The following ZNF592 variants were observed in gnomAD, a reference collection of about 807,000 sequenced individuals.
ZNF592 encodes zinc finger protein 592, also known as spinocerebellar ataxia, autosomal recessive 5.
Under a neutral mutation model 80.3 loss-of-function variants are expected in ZNF592, and 11 were observed. That is an observed-to-expected ratio of 0.14 (90% CI 0.09 to 0.23). ZNF592 has a LOEUF of 0.23. Ranked by LOEUF, ZNF592 falls within the 10% of genes least tolerant of loss-of-function variation. The probability of loss-of-function intolerance (pLI) is 1.00; values close to 1 mark genes in which losing one functional copy is unlikely to be tolerated. For synonymous variants in ZNF592, 646 were observed against 640.3 expected, an observed-to-expected ratio of 1.01 and a Z score of -0.13; for missense variants, 1,420 against 1,633.9, an observed-to-expected ratio of 0.87 and a Z score of 2.26.
In ZNF592 at chr15:84,773,401, C is replaced by T. The variant is rs1336261384; in HGVS notation, c.-149-4782C>T. ...TAATTTTTTGTATTTTTAGTAGAGA[C>T]GGGGTTTCACCATTTTAGCCAGGAT... On this transcript the variant is annotated intron_variant, in intron 2 of 10. Coordinates refer to ENST00000560079, the MANE Select transcript of ZNF592 (RefSeq NM_014630.3). Among the ~76,000 whole-genome samples, 10 of 152,124 alleles carry T rather than the reference C, an allele frequency of 6.6e-5. No homozygotes were observed. The Middle Eastern group carries it at 0.017, about 259-fold the overall frequency.
rs1276321152 is a variant in ZNF592 at position 84,754,278 on chromosome 15, G to C, written c.-259+5614G>C. ...TTAAATCCAGAGGTAATAATGGGCA[G>C]CTGGGCACGGTGGCTCGTGCTTGTA... On this transcript the variant is annotated intron_variant, in intron 1 of 10. Transcript: ENST00000560079. Among the ~76,000 whole-genome samples the C allele has an allele frequency of 2.0e-5, 3 of 152,324 alleles. No homozygotes were observed. The East Asian group carries it at 5.8e-4, about 29-fold the overall frequency.
chr15:84,774,807 A>G (rs1251399657), intron 2 of ZNF592, among the ~76,000 whole-genome samples: 2 of 152,056 alleles, frequency 1.3e-5, no homozygotes, highest in Non-Finnish European at 2.9e-5. Flanking sequence ...TTTGAGACAG[A>G]GTCCACTCTG....
At chr15:84,764,096 G>GC (rs1216199241) in intron 1 of ZNF592, among the ~76,000 whole-genome samples, 3 of 152,116 alleles carry the variant, frequency 2.0e-5, no homozygotes, top group Non-Finnish European at 2.9e-5. Context: ...CAGCTCACCT[G>GC]CCCCCCTGGC....
rs371999389 is a variant in ZNF592 at position 84,784,195 on chromosome 15, A to C, written c.1520A>C (p.Asn507Thr). 6.4e-5 allele frequency: 103 copies of C among 1,614,078 alleles called. No homozygotes were observed. The highest frequency in any genetic ancestry group is 8.4e-5 in the Non-Finnish European group (99 of 1,180,048). ...NLLPKAVHLA[N>T]LNLVPHSVAA... is the part of the protein sequence containing the mutation. ...CTGCCCAAAGCCGTGCACTTGGCCAACCTGAACCTCGTCCCCCACAGTGTT... is the reference window on the plus strand; with the variant it reads ...CTGCCCAAAGCCGTGCACTTGGCCACCCTGAACCTCGTCCCCCACAGTGTT... The change falls in exon 4 of 11, where the codon AAC (asparagine) becomes ACC (threonine). Residue 507 changes from asparagine to threonine, a missense_variant. By Grantham distance (65) the Asn-to-Thr change is moderately conservative (BLOSUM62 0). Coordinates refer to ENST00000560079, the MANE Select transcript of ZNF592 (RefSeq NM_014630.3). The surrounding 1 kb of genome is among the most constrained non-coding windows in gnomAD (Gnocchi z 5.8).
At chr15:84,771,141 A>T (rs1282951085) in intron 2 of ZNF592, among the ~76,000 whole-genome samples, 1 of 152,032 alleles carries the variant, frequency 6.6e-6, no homozygotes, top group African/African-American at 2.4e-5. Context: ...AATAGAGGGG[A>T]AAGACATGAC....
At chr15:84,749,426 C>T (rs925924689) in intron 1 of ZNF592, among the ~76,000 whole-genome samples, 3 of 152,130 alleles carry the variant, frequency 2.0e-5, no homozygotes, top group African/African-American at 7.2e-5. Context: ...TATGCCTGCT[C>T]CTGAGTACTG....
chr15:84,788,318 T>A (rs1214617822), intron 4 of ZNF592, among the ~76,000 whole-genome samples: 1 of 152,258 alleles, frequency 6.6e-6, no homozygotes, highest in Non-Finnish European at 1.5e-5. Context: ...TGCTTGAGTC[T>A]AATTTTATTG....
intron 1 of ZNF592, among the ~76,000 whole-genome samples, chr15:84,762,917 C>G (rs891964728): frequency 2.6e-5 from 4 of 152,156 alleles, no homozygotes; most frequent in Non-Finnish European, 4.4e-5. Flanking sequence ...TTGGAAGAAG[C>G]TCTAATCTAG....
chr15:84,749,946 A>G (rs761993081), intron 1 of ZNF592, among the ~76,000 whole-genome samples: 11 of 152,262 alleles, frequency 7.2e-5, no homozygotes, highest in Admixed American at 5.2e-4. Context: ...AGGTGTTGGG[A>G]GTACATTGGT....
intron 1 of ZNF592, among the ~76,000 whole-genome samples, chr15:84,759,952 AT>A (rs1343820539): frequency 1.5e-4 from 9 of 59,712 alleles, no homozygotes; most frequent in African/African-American, 2.6e-4. Context: ...GATTGGGGAG[AT>A]TCCCCCCCCC....
chr15:84,779,879 C>G (rs1252628544), intron 3 of ZNF592, among the ~76,000 whole-genome samples: 1 of 152,068 alleles, frequency 6.6e-6, no homozygotes, highest in Non-Finnish European at 1.5e-5. Context: ...TCCTTAGACA[C>G]ACAATCAACT....
rs769542155 is a variant in ZNF592 at position 84,782,798 on chromosome 15, C to T, written c.123C>T (p.Leu41=). ...CCAGTGAGGAGAATGAGAGTCCCCT[C>T]AAACCTCCAGGCATATGTATGGATG... is the stretch of plus-strand genomic sequence containing the variant. ...QTPSEENESP[L]KPPGICMDES... Residue 41 remains leucine, a synonymous_variant, in exon 4 of 11, where the codon CTC becomes CTT. Coordinates refer to ENST00000560079, the MANE Select transcript of ZNF592 (RefSeq NM_014630.3). The T allele has an allele frequency of 1.2e-6, 2 of 1,614,160 alleles. No homozygotes were observed. Among genetic ancestry groups the T allele is most frequent in the Non-Finnish European group, 1.7e-6 (2 of 1,180,032 alleles).
rs1257320367 is a variant in ZNF592, at chr15:84,782,871, G to A, written c.196G>A (p.Val66Met). 2.8e-5 allele frequency: 46 copies of A among 1,614,042 alleles called. No individual in the cohort carries two copies. Among genetic ancestry groups the A allele is most frequent in the Non-Finnish European group, 3.8e-5 (45 of 1,180,050 alleles). The change falls in exon 4 of 11, where the codon GTG (valine) becomes ATG (methionine). Residue 66 changes from valine to methionine, a missense_variant. Physicochemically the swap from Val to Met is conservative, Grantham distance 21. Around this residue, in one of 7 missense-constraint regions of ZNF592, gnomAD observed 373 missense variants for 355.5 expected, o/e 1.05. Coordinates refer to ENST00000560079, the MANE Select transcript of ZNF592 (RefSeq NM_014630.3). ...AGGATCAGCCCCCGATGTGCCGGCC[G>A]TGAGTGTCATTGTCAAGAACACCAG... The part of the protein sequence containing the change: ...HSGSAPDVPA[V>M]SVIVKNTSRQ...
chr15:84,789,018 C>T (rs1204522493), intron 4 of ZNF592, among the ~76,000 whole-genome samples: 4 of 151,386 alleles, frequency 2.6e-5, no homozygotes, highest in Non-Finnish European at 1.5e-5. Context: ...CGAGACCAGC[C>T]TGGCCATCAT....
intron 3 of ZNF592, among the ~76,000 whole-genome samples, chr15:84,781,331 AGCCACTGCGACGG>A (rs754007754): frequency 8.6e-5 from 13 of 151,624 alleles, no homozygotes; most frequent in Non-Finnish European, 1.6e-4. Flanking sequence ...TATAGGCAAG[AGCCACTGCGACGG>A]GCCCTTAATG....
intron 2 of ZNF592, among the ~76,000 whole-genome samples, chr15:84,768,657 A>G (rs1439466470): frequency 6.6e-6 from 1 of 151,974 alleles, no homozygotes; most frequent in Non-Finnish European, 1.5e-5. Context: ...AAAACAAATG[A>G]CCTTATGGGA....
At position 84,790,870 on chromosome 15, in the gene ZNF592, A is replaced by G. The variant is rs1400940313; in HGVS notation, c.2386A>G (p.Lys796Glu). The change falls in exon 5 of 11, where the codon AAG becomes GAG. Residue 796 changes from lysine (K) to glutamate (E), a missense_variant. Transcript: ENST00000560079. The stretch of plus-strand genomic sequence containing the variant: ...GGAGAATTGCCTGCACTATGCCCGC[A>G]AGGTGGGCTACAGGTGGGTGCTGCC... ...VKENCLHYARKVGYRCIHCGV... is the reference protein window; with the variant it reads ...VKENCLHYAREVGYRCIHCGV... 6.2e-7 allele frequency: 1 copy of G among 1,614,190 alleles called. No homozygotes were observed. The highest frequency in any genetic ancestry group is 1.1e-5 in the South Asian group (1 of 91,088).
In ZNF592 at chr15:84,783,486, A is replaced by G; in HGVS notation, c.811A>G (p.Arg271Gly). Reference sequence around the variant, plus strand: ...TGGTACCTGCTCATCAGTCCCCCCTAGGCAGCGTCTAAAGCCAGCTCATTC... The same window carrying G: ...TGGTACCTGCTCATCAGTCCCCCCTGGGCAGCGTCTAAAGCCAGCTCATTC... Reference protein sequence around the residue: ...ELGTCSSVPPRQRLKPAHSKL... With the variant: ...ELGTCSSVPPGQRLKPAHSKL... Residue 271 changes from arginine to glycine, a missense_variant, in exon 4 of 11, where the codon AGG (arginine) becomes GGG (glycine). Physicochemically the swap from Arg to Gly is moderately radical, Grantham distance 125. This residue lies in a region of ZNF592 where 373 missense variants were observed against 355.5 expected (regional missense o/e 1.05). Coordinates refer to ENST00000560079, the MANE Select transcript of ZNF592 (RefSeq NM_014630.3). This position sits in a 1 kb window ranked among gnomAD's most constrained non-coding sequence, Gnocchi z 5.0. The G allele has an allele frequency of 1.2e-6, 2 of 1,614,192 alleles. No individual in the cohort carries two copies. The highest frequency in any genetic ancestry group is 1.7e-6 in the Non-Finnish European group (2 of 1,180,032).
At chr15:84,761,261 C>T (rs560069929) in intron 1 of ZNF592, among the ~76,000 whole-genome samples, 10 of 151,590 alleles carry the variant, frequency 6.6e-5, no homozygotes, top group East Asian at 2.0e-4. Context: ...CCACCATGCC[C>T]GGCCCAGGGA....
Sources: allele counts gnomAD v4.1 joint callset (sites outside exome capture counted in the v4.1 genomes callset), GRCh38; gene constraint gnomAD v4.1.1; regional missense constraint gnomAD v4.1.1; non-coding constraint Gnocchi (gnomAD v3.1); transcripts MANE v1.5; gene names NCBI Gene and HGNC (gene_info 2026-07-23, HGNC 2026-07-21).